The following TEAD1 variants were observed in gnomAD, a reference collection of about 807,000 sequenced individuals.
TEAD1 encodes the protein transcriptional enhancer factor TEF-1.
A neutral mutation model predicts 54.9 loss-of-function variants in TEAD1; 9 were observed. That is an observed-to-expected ratio of 0.16 (90% CI 0.10 to 0.29). TEAD1 has a LOEUF of 0.29. Among genes scored for constraint, TEAD1 ranks in the 10% least tolerant of loss-of-function variants. The pLI, the probability that TEAD1 is intolerant of heterozygous loss-of-function variation, is 1.00. For synonymous variants in TEAD1, 200 were observed against 187.8 expected (o/e 1.07, Z -0.53); for missense variants, 387 against 535.9 (o/e 0.72, Z 2.74).
intron 3 of TEAD1, among the ~76,000 whole-genome samples, chr11:12,854,500 AG>A (rs1947333477): frequency 3.9e-5 from 6 of 152,162 alleles, no homozygotes; most frequent in Non-Finnish European, 7.3e-5. Context: ...GGTTCCTGTG[AG>A]AGCACATGTT....
chr11:12,844,601 AATATGGCAGTGGAGC>A (rs1184475574), intron 3 of TEAD1, among the ~76,000 whole-genome samples: 5 of 152,194 alleles, frequency 3.3e-5, no homozygotes, highest in African/African-American at 9.7e-5. Context: ...TCTCCACAGC[AATATGGCAGTGGAGC>A]ATTTGCTGAC....
At chr11:12,877,707 T>A (rs1167061723) in intron 5 of TEAD1, among the ~76,000 whole-genome samples, 1 of 151,552 alleles carries the variant, frequency 6.6e-6, no homozygotes, top group Admixed American at 6.6e-5. Context: ...TCCGTTTTCT[T>A]TTTCCCCCCT....
At chr11:12,703,607 C>G (rs1319016494) in intron 2 of TEAD1, among the ~76,000 whole-genome samples, 9 of 152,202 alleles carry the variant, frequency 5.9e-5, no homozygotes, top group East Asian at 5.8e-4. Context: ...CGTTGTTGTT[C>G]TTCTTCCTCC....
In TEAD1 at chr11:12,769,131, T is replaced by A. The variant is rs79124060; in HGVS notation, c.202+4697T>A. Among the ~76,000 whole-genome samples, 349 of 152,226 alleles carry A rather than the reference T, an allele frequency of 2.3e-3. 1 individual carries two copies. The highest frequency in any genetic ancestry group is 7.6e-3 in the African/African-American group (314 of 41,542). On this transcript the variant is annotated intron_variant, in intron 3 of 12. Coordinates refer to ENST00000527636, the MANE Select transcript of TEAD1 (RefSeq NM_021961.6). ...CTTTTGCAAGCAGATGTCTTCAGGA[T>A]CCTTGCTTAGGTCAGCTCCAAGGAA... is the stretch of plus-strand genomic sequence containing the variant.
intron 7 of TEAD1, among the ~76,000 whole-genome samples, chr11:12,881,506 G>T (rs565756106): frequency 2.6e-4 from 39 of 152,286 alleles, no homozygotes; most frequent in African/African-American, 8.7e-4. Flanking sequence ...CGGGATAAAA[G>T]AAAGGAAACC....
Position 12,880,923 on chromosome 11 carries a change from C to T in TEAD1, c.466-82C>T, listed in dbSNP as rs1589953929. On this transcript the variant is annotated intron_variant, in intron 6 of 12. Coordinates refer to ENST00000527636, the MANE Select transcript of TEAD1 (RefSeq NM_021961.6). ...GGTGATCGAACCTGCTGTCTTTTAG[C>T]AGGGGTTGTGATGCGTAGGCATCCT... 7 of 1,481,062 alleles carry T rather than the reference C, an allele frequency of 4.7e-6. No homozygotes were observed. The East Asian group carries it at 6.8e-5, about 14-fold the overall frequency. The allele number at this position is 1,481,062 out of a possible 1,614,324, so 91.7% of individuals were successfully genotyped here.
intron 3 of TEAD1, among the ~76,000 whole-genome samples, chr11:12,774,023 T>C (rs1945367534): frequency 6.6e-6 from 1 of 152,228 alleles, no homozygotes; most frequent in African/African-American, 2.4e-5. Flanking sequence ...TATTCATATT[T>C]TGACAGTTGT....
Position 12,926,731 on chromosome 11 carries a change from T to A in TEAD1, c.1014+1679T>A, listed in dbSNP as rs116076160. ...TGGGGAGCAGCCACTAGCCCTAGGATAAGTAGAGGGAGACATAAACAGAAG... is the reference window on the plus strand; with the variant it reads ...TGGGGAGCAGCCACTAGCCCTAGGAAAAGTAGAGGGAGACATAAACAGAAG... On this transcript the variant is annotated intron_variant, in intron 11 of 12. Transcript: ENST00000527636. Among the ~76,000 whole-genome samples, 688 of 152,100 alleles carry A rather than the reference T, an allele frequency of 4.5e-3. 4 individuals carry two copies. The highest frequency in any genetic ancestry group is 0.016 in the African/African-American group (657 of 41,470).
rs1168765327 is a variant in TEAD1, at chr11:12,938,097, ATG to A, written c.*877_*878del. 6.6e-6 allele frequency: 1 copy of A among 152,624 alleles called. No homozygotes were observed. The highest frequency in any genetic ancestry group is 2.4e-5 in the African/African-American group (1 of 41,456). The allele number at this position is 152,624 out of a possible 1,614,324, so 9.5% of individuals were successfully genotyped here. On this transcript the variant is annotated 3_prime_UTR_variant, in exon 13 of 13. Coordinates refer to ENST00000527636, the MANE Select transcript of TEAD1 (RefSeq NM_021961.6). Reference sequence around the variant, plus strand: ...CATACTGAAAAAATCTAAACTTACAATGTTTATAGTCTTGTGTGTGCAGTTAT... The same window carrying A: ...CATACTGAAAAAATCTAAACTTACAATTTATAGTCTTGTGTGTGCAGTTAT...
chr11:12,808,747 A>C (rs751465693), intron 3 of TEAD1, among the ~76,000 whole-genome samples: 26 of 152,064 alleles, frequency 1.7e-4, no homozygotes, highest in Non-Finnish European at 3.5e-4. Flanking sequence ...CTCTGCCTTT[A>C]CTCATCACCA....
At chr11:12,811,003 G>T (rs761587742) in intron 3 of TEAD1, among the ~76,000 whole-genome samples, 1 of 152,154 alleles carries the variant, frequency 6.6e-6, no homozygotes, top group Non-Finnish European at 1.5e-5. Context: ...CTTACCAAAT[G>T]CATAGAGGCC....
intron 3 of TEAD1, chr11:12,823,265 C>T (rs1365562167): frequency 6.6e-6 from 1 of 152,240 alleles, no homozygotes; most frequent in Non-Finnish European, 1.5e-5. Context: ...AAGTGGCCAA[C>T]ACTTGCTAGC....
At chr11:12,917,434 G>A (rs1459173720) in intron 10 of TEAD1, among the ~76,000 whole-genome samples, 1 of 152,144 alleles carries the variant, frequency 6.6e-6, no homozygotes, top group African/African-American at 2.4e-5. Flanking sequence ...AGTTTGTCTT[G>A]TTTTAAGGCA....
intron 9 of TEAD1, among the ~76,000 whole-genome samples, chr11:12,885,906 G>A (rs1009646964): frequency 2.0e-5 from 3 of 152,228 alleles, no homozygotes; most frequent in South Asian, 4.1e-4. Context: ...GGGGCTCATC[G>A]CTGCCCAGAC....
At chr11:12,702,479 C>T (rs968891487) in intron 2 of TEAD1, among the ~76,000 whole-genome samples, 1 of 152,116 alleles carries the variant, frequency 6.6e-6, no homozygotes, top group East Asian at 1.9e-4. Context: ...AGGACAATGC[C>T]GAGAGTAGAA....
In TEAD1 at chr11:12,903,892, C is replaced by G. The variant is rs1464953597; in HGVS notation, c.873+1779C>G. Among the ~76,000 whole-genome samples the G allele has an allele frequency of 3.3e-5, 5 of 152,122 alleles. No homozygotes were observed. The East Asian group carries it at 7.7e-4, about 23-fold the overall frequency. ...TGGATCTGTAATACACATGGACAAC[C>G]TGAAAAAGCGATCACAGTCACATTT... On this transcript the variant is annotated intron_variant, in intron 10 of 12. Transcript: ENST00000527636.
intron 3 of TEAD1, among the ~76,000 whole-genome samples, chr11:12,817,380 A>G (rs1449146405): frequency 6.6e-6 from 1 of 152,206 alleles, no homozygotes; most frequent in Non-Finnish European, 1.5e-5. Context: ...CTGTTTATGG[A>G]GAGAGACTGG....
At chr11:12,830,848 A>G (rs1010280456) in intron 3 of TEAD1, among the ~76,000 whole-genome samples, 4 of 152,076 alleles carry the variant, frequency 2.6e-5, no homozygotes, top group Non-Finnish European at 4.4e-5. Flanking sequence ...AAGGGAAAAA[A>G]CAAGCAAAAG....
In TEAD1 at chr11:12,938,302, G is replaced by C. The variant is rs1203876510; in HGVS notation, c.*1080G>C. ...AAATAGACAAGTAAAAGGCTCATCAGTTTTAGCATCTCTGCTCCCCAGAAA... is the reference window on the plus strand; with the variant it reads ...AAATAGACAAGTAAAAGGCTCATCACTTTTAGCATCTCTGCTCCCCAGAAA... On this transcript the variant is annotated 3_prime_UTR_variant, in exon 13 of 13. Transcript: ENST00000527636. 6.6e-6 allele frequency: 1 copy of C among 152,586 alleles called. No individual in the cohort carries two copies. Among genetic ancestry groups the C allele is most frequent in the Non-Finnish European group, 1.5e-5 (1 of 68,030 alleles). The allele number at this position is 152,586 out of a possible 1,614,324, so 9.5% of individuals were successfully genotyped here. A position where few individuals can be genotyped will look rare whatever the true frequency, so the allele number is the denominator to read the frequency against.
Sources: gnomAD v4.1 joint callset for allele counts (sites outside exome capture counted in the v4.1 genomes callset) on GRCh38, gnomAD v4.1.1 for gene constraint, MANE v1.5 for transcripts, NCBI Gene and HGNC (gene_info 2026-07-23, HGNC 2026-07-21) for gene names.